Variants in ZNF541 observed in about 807,000 individuals in gnomAD.
ZNF541 encodes the protein zinc finger protein 541.
In ZNF541, 23 loss-of-function variants were observed where a neutral mutation model predicts 123.5. The ratio of observed to expected loss-of-function variants is 0.19; its 90% CI spans 0.13 to 0.26. The LOEUF is 0.26. ZNF541 is among the 10% of genes least tolerant of loss of function. The pLI is 1.00. For synonymous variants in ZNF541, 751 were observed against 754.5 expected (o/e 1.00, Z 0.08); for missense variants, 1,612 against 1,789.9 (o/e 0.90, Z 1.79).
intron 9 of ZNF541, among the ~76,000 whole-genome samples, chr19:47,536,379 A>T (rs1309222502): frequency 6.6e-6 from 1 of 152,196 alleles, no homozygotes; most frequent in Non-Finnish European, 1.5e-5. Flanking sequence ...CCAGGATTAT[A>T]GGCACCCGCC....
At chr19:47,549,150 A>G (rs966961001) in intron 4 of ZNF541, 95 bp downstream of exon 4, 1 of 1,504,568 alleles carries the variant, frequency 6.6e-7, no homozygotes, top group African/African-American at 1.4e-5. Flanking sequence ...AGGACGAGAC[A>G]GCAGGTTGAT....
intron 14 of ZNF541, among the ~76,000 whole-genome samples, chr19:47,525,632 G>A (rs1969250783): frequency 6.6e-6 from 1 of 152,090 alleles, no homozygotes; most frequent in South Asian, 2.1e-4. Flanking sequence ...TTCTAGAGAA[G>A]GCCGGGCAAG....
chr19:47,524,276 C>G lies in ZNF541; in HGVS notation c.3571-2282G>C, dbSNP rs371881881. On this transcript the variant is annotated intron_variant, in intron 14 of 16. Coordinates refer to ENST00000391901, the MANE Select transcript of ZNF541 (RefSeq NM_001277075.3). ...GTGATCTGGTGAAAATCACCATGCA[C>G]GCAAAGACGCAGGATAACACGGCAC... Among the ~76,000 whole-genome samples the G allele has an allele frequency of 6.6e-5, 10 of 152,272 alleles. No individual in the cohort carries two copies. The South Asian group carries it at 1.0e-3, about 16-fold the overall frequency.
chr19:47,565,668 A>C (rs550088880), intron 2 of ZNF541, among the ~76,000 whole-genome samples: 36 of 152,286 alleles, frequency 2.4e-4, no homozygotes, highest in African/African-American at 8.4e-4. Context: ...GGAGCAGGTA[A>C]GTTTCAGGAA....
intron 2 of ZNF541, among the ~76,000 whole-genome samples, chr19:47,571,148 T>C (rs1318120860): frequency 6.6e-6 from 1 of 151,442 alleles, no homozygotes; most frequent in African/African-American, 2.4e-5. Flanking sequence ...AGTCTCGCTC[T>C]GTTGCCCAGG....
intron 3 of ZNF541, among the ~76,000 whole-genome samples, chr19:47,553,069 A>G (rs1275063043): frequency 6.6e-6 from 1 of 151,904 alleles, no homozygotes; most frequent in Non-Finnish European, 1.5e-5. Flanking sequence ...AGATTGCACC[A>G]TTACACTCTA....
chr19:47,539,619 T>C (rs1969987079), intron 8 of ZNF541, 86 bp downstream of exon 8: 2 of 1,330,076 alleles, frequency 1.5e-6, no homozygotes, highest in Non-Finnish European at 1.9e-6. Context: ...AAAGATTTTC[T>C]GTGGTATCTG....
chr19:47,540,228 A>T lies in ZNF541; in HGVS notation c.2570T>A (p.Met857Lys). 1 of 1,551,684 alleles carries T rather than the reference A, an allele frequency of 6.4e-7. No individual in the cohort carries two copies. Among genetic ancestry groups the T allele is most frequent in the South Asian group, 1.2e-5 (1 of 84,062 alleles). The change falls in exon 7 of 17, where the codon ATG (methionine) becomes AAG (lysine). Residue 857 changes from methionine to lysine, a missense_variant. Physicochemically the swap from Met to Lys is moderately conservative, Grantham distance 95 (BLOSUM62 -1). Around this residue, in one of 5 missense-constraint regions of ZNF541, gnomAD observed 1,080 missense variants for 1,013.8 expected, o/e 1.07. Transcript: ENST00000391901. Reference protein sequence around the residue: ...FYTEKGLSSHMCFHSDQWPSP... With the variant: ...FYTEKGLSSHKCFHSDQWPSP... ...CGGCCACTGGTCGCTGTGAAAACACATGTGGCTGCTCAGCCCTTTCTCCGT... is the reference window on the plus strand; with the variant it reads ...CGGCCACTGGTCGCTGTGAAAACACTTGTGGCTGCTCAGCCCTTTCTCCGT...
chr19:47,550,968 CTG>C (rs1248325203), intron 3 of ZNF541, among the ~76,000 whole-genome samples: 1 of 152,006 alleles, frequency 6.6e-6, no homozygotes, highest in Non-Finnish European at 1.5e-5. Flanking sequence ...CACTCAATAA[CTG>C]TATGTTAGAT....
intron 9 of ZNF541, among the ~76,000 whole-genome samples, chr19:47,536,138 C>T (rs894968719): frequency 1.4e-4 from 21 of 152,334 alleles, no homozygotes; most frequent in Non-Finnish European, 2.5e-4. Flanking sequence ...GGTTTAAGAA[C>T]GCCTTTAAGC....
intron 14 of ZNF541, among the ~76,000 whole-genome samples, chr19:47,525,873 G>A (rs953111117): frequency 7.4e-5 from 10 of 134,484 alleles, no homozygotes; most frequent in Admixed American, 2.6e-4. Flanking sequence ...CCAAGATCTC[G>A]CCACTGCACT....
Position 47,531,688 on chromosome 19 carries a change from A to G in ZNF541, c.3359T>C (p.Leu1120Pro). 6.5e-7 allele frequency: 1 copy of G among 1,548,794 alleles called. No individual in the cohort carries two copies. The highest frequency in any genetic ancestry group is 8.7e-7 in the Non-Finnish European group (1 of 1,144,818). The change falls in exon 12 of 17, where the codon CTG becomes CCG. Residue 1120 changes from leucine (L) to proline (P), a missense_variant. Leu to Pro is a moderately conservative substitution (Grantham distance 98). Around this residue, in one of 5 missense-constraint regions of ZNF541, gnomAD observed 285 missense variants for 407.3 expected, o/e 0.70. Coordinates refer to ENST00000391901, the MANE Select transcript of ZNF541 (RefSeq NM_001277075.3). Reference sequence around the variant, plus strand: ...GTGCAGGCAGTGCAGAGCGAGCTCCAGGTTGGTGCCCCCTCCTGGCATCAC... The same window carrying G: ...GTGCAGGCAGTGCAGAGCGAGCTCCGGGTTGGTGCCCCCTCCTGGCATCAC... ...SSVMPGGGTN[L>P]ELALHCLHEA...
At chr19:47,547,097 G>A (rs920076635) in intron 4 of ZNF541, among the ~76,000 whole-genome samples, 1 of 152,148 alleles carries the variant, frequency 6.6e-6, no homozygotes, top group African/African-American at 2.4e-5. Context: ...TTTGCCCAGA[G>A]AACTGTTTTT....
chr19:47,542,061 G>A (rs1313688351), intron 5 of ZNF541, among the ~76,000 whole-genome samples: 1 of 152,238 alleles, frequency 6.6e-6, no homozygotes, highest in African/African-American at 2.4e-5. Flanking sequence ...GGAAAGGAAT[G>A]CAGCTCTGCC....
At chr19:47,563,471 A>T (rs1052143739) in intron 2 of ZNF541, among the ~76,000 whole-genome samples, 1 of 152,148 alleles carries the variant, frequency 6.6e-6, no homozygotes, top group Non-Finnish European at 1.5e-5. Flanking sequence ...AGGAGTGTGG[A>T]TCTGTAAGCC....
At chr19:47,566,857 C>T (rs1971284315) in intron 2 of ZNF541, among the ~76,000 whole-genome samples, 1 of 151,878 alleles carries the variant, frequency 6.6e-6, no homozygotes, top group African/African-American at 2.4e-5. Context: ...TGAGACCATC[C>T]TGGCTAACAT....
rs7248754 is a variant in ZNF541 at position 47,529,761 on chromosome 19, C to T, written c.3406-109G>A. On this transcript the variant is annotated intron_variant, in intron 12 of 16. Coordinates refer to ENST00000391901, the MANE Select transcript of ZNF541 (RefSeq NM_001277075.3). ...TTGCGGCTGTCCCTGAAGACACTGC[C>T]TGTCCCAGGGCTATTCAAAGTTGCC... is the stretch of plus-strand genomic sequence containing the variant. The T allele has an allele frequency of 0.011, 11,372 of 1,051,614 alleles. 798 individuals are homozygous for T. The African/African-American group carries it at 0.16, about 14-fold the overall frequency. The allele number at this position is 1,051,614 out of a possible 1,614,324, so 65.1% of individuals were successfully genotyped here. A position where few individuals can be genotyped will look rare whatever the true frequency, so the allele number is the denominator to read the frequency against.
At chr19:47,552,095 C>T (rs1169080598) in intron 3 of ZNF541, among the ~76,000 whole-genome samples, 1 of 151,376 alleles carries the variant, frequency 6.6e-6, no homozygotes, top group Non-Finnish European at 1.5e-5. Flanking sequence ...TGGCCTCAAG[C>T]GATCCTCCCA....
intron 10 of ZNF541, 116 bp downstream of exon 10, chr19:47,532,793 G>T: frequency 1.2e-6 from 1 of 852,454 alleles, no homozygotes; most frequent in Non-Finnish European, 1.8e-6. Context: ...TTCACGCCTA[G>T]GGAGCCTATG....
Sources: gnomAD v4.1 joint callset for allele counts (sites outside exome capture counted in the v4.1 genomes callset) on GRCh38, gnomAD v4.1.1 for gene constraint, gnomAD v4.1.1 regional missense constraint, MANE v1.5 for transcripts, NCBI Gene and HGNC (gene_info 2026-07-23, HGNC 2026-07-21) for gene names.